The following CDC14A variants were observed in gnomAD, a reference collection of about 807,000 sequenced individuals.
CDC14A encodes the protein cell division cycle 14A.
A neutral mutation model predicts 74.4 loss-of-function variants in CDC14A; 53 were observed. That is an observed-to-expected ratio of 0.71 (90% CI 0.57 to 0.89). The LOEUF (loss-of-function observed/expected upper bound fraction) is 0.89. Among genes scored for constraint, CDC14A ranks in the 40% least tolerant of loss-of-function variants. The pLI is 0.00. For synonymous variants in CDC14A, 247 were observed against 258.4 expected, an observed-to-expected ratio of 0.96 and a Z score of 0.43; for missense variants, 646 against 713.7, an observed-to-expected ratio of 0.91 and a Z score of 1.08.
At chr1:100,351,909 C>A (rs1053807670), upstream of CDC14A, 2 of 1,061,910 alleles carry the variant, frequency 1.9e-6, no homozygotes, top group Non-Finnish European at 2.7e-6. Flanking sequence ...CAGTGTTGGG[C>A]GTGGGGGGTG....
intron 9 of CDC14A, among the ~76,000 whole-genome samples, chr1:100,463,384 A>G (rs1571256139): frequency 6.6e-6 from 1 of 152,154 alleles, no homozygotes; most frequent in East Asian, 1.9e-4. Flanking sequence ...AGCGTCTTCC[A>G]TGCCTGTTGC....
At position 100,494,835 on chromosome 1, in the gene CDC14A, T is replaced by A; in HGVS notation, c.1155T>A (p.Asp385Glu). The A allele has an allele frequency of 6.2e-7, 1 of 1,610,066 alleles. No homozygotes were observed. Among genetic ancestry groups the A allele is most frequent in the East Asian group, 2.2e-5 (1 of 44,844 alleles). ...TTTTCCAGGATAACTTAGAAGATGA[T>A]GATGTGGAAATGAAAAATGGTATAA... ...ERFGEDNLED[D>E]DVEMKNGITQ... Residue 385 changes from aspartate to glutamate, a missense_variant, in exon 12 of 16, where the codon GAT (aspartate) becomes GAA (glutamate). Coordinates refer to ENST00000336454, the MANE Select transcript of CDC14A (RefSeq NM_003672.4).
At chr1:100,453,949 T>C (rs533017204) in intron 7 of CDC14A, among the ~76,000 whole-genome samples, 161 of 152,284 alleles carry the variant, frequency 1.1e-3, no homozygotes, top group Middle Eastern at 3.4e-3. Context: ...GCTGGAGATA[T>C]TATGTTTATT....
intron 15 of CDC14A, among the ~76,000 whole-genome samples, chr1:100,516,150 C>T (rs1400433435): frequency 6.6e-6 from 1 of 152,178 alleles, no homozygotes; most frequent in Non-Finnish European, 1.5e-5. Context: ...TGAATATATT[C>T]TCCATATGAA....
At chr1:100,351,924 A>C (rs564839482), upstream of CDC14A, 97 of 893,662 alleles carry the variant, frequency 1.1e-4, no homozygotes, top group African/African-American at 1.4e-3. Flanking sequence ...GGGGTGGCTG[A>C]AATGTTAGCT....
intron 9 of CDC14A, among the ~76,000 whole-genome samples, chr1:100,464,321 G>C (rs144788281): frequency 6.6e-6 from 1 of 152,108 alleles, no homozygotes; most frequent in East Asian, 1.9e-4. Context: ...TGTCTCTGGC[G>C]TGGAGTCTGT....
chr1:100,451,085 G>C (rs1392615464), intron 7 of CDC14A, among the ~76,000 whole-genome samples: 1 of 152,082 alleles, frequency 6.6e-6, no homozygotes, highest in Non-Finnish European at 1.5e-5. Flanking sequence ...TGATTTGCTG[G>C]GGTTCTTGAG....
chr1:100,482,982 C>T (rs1016093571), intron 10 of CDC14A, among the ~76,000 whole-genome samples: 19 of 152,168 alleles, frequency 1.2e-4, no homozygotes, highest in Admixed American at 1.2e-3. Flanking sequence ...TTTTCTCTAT[C>T]CAATCTATCA....
chr1:100,411,163 C>G (rs542404604), intron 4 of CDC14A, among the ~76,000 whole-genome samples: 1 of 152,328 alleles, frequency 6.6e-6, no homozygotes, highest in Admixed American at 6.5e-5. Flanking sequence ...GCAGAACTGA[C>G]AGGCCCAAGA....
chr1:100,404,203 A>G (rs1456764905), intron 4 of CDC14A, among the ~76,000 whole-genome samples: 1 of 151,092 alleles, frequency 6.6e-6, no homozygotes, highest in Non-Finnish European at 1.5e-5. Context: ...AAAAAAAAAA[A>G]GAGCTAACTG....
chr1:100,412,766 TATTA>T (rs1284218240), intron 4 of CDC14A, among the ~76,000 whole-genome samples: 3 of 103,256 alleles, frequency 2.9e-5, no homozygotes, highest in African/African-American at 1.5e-4. Flanking sequence ...TATATATATA[TATTA>T]TATATATATA....
chr1:100,464,087 T>C (rs1171120602), intron 9 of CDC14A, among the ~76,000 whole-genome samples: 4 of 152,214 alleles, frequency 2.6e-5, no homozygotes, highest in Non-Finnish European at 5.9e-5. Context: ...GGCCCTTGTT[T>C]CTATGTTTAA....
intron 4 of CDC14A, among the ~76,000 whole-genome samples, chr1:100,422,104 G>A (rs1421852087): frequency 6.6e-6 from 1 of 152,084 alleles, no homozygotes; most frequent in African/African-American, 2.4e-5. Flanking sequence ...GTTTCACTTT[G>A]CACTTATTAA....
intron 10 of CDC14A, among the ~76,000 whole-genome samples, chr1:100,472,111 C>T (rs1390715613): frequency 1.3e-5 from 2 of 152,052 alleles, no homozygotes; most frequent in East Asian, 1.9e-4. Context: ...CACTCCTACA[C>T]ATTAACAATA....
At chr1:100,515,804 T>C (rs1164075285) in intron 15 of CDC14A, among the ~76,000 whole-genome samples, 3 of 152,262 alleles carry the variant, frequency 2.0e-5, no homozygotes, top group South Asian at 4.1e-4. Context: ...CATTTCACTT[T>C]CCTTTATACC....
At chr1:100,398,004 G>A (rs1353772352) in intron 4 of CDC14A, among the ~76,000 whole-genome samples, 1 of 152,216 alleles carries the variant, frequency 6.6e-6, no homozygotes, top group Non-Finnish European at 1.5e-5. Context: ...TGTGAGCAAT[G>A]ACTTTAACAT....
chr1:100,365,411 C>T (rs2100909469), intron 2 of CDC14A, among the ~76,000 whole-genome samples: 1 of 152,312 alleles, frequency 6.6e-6, no homozygotes, highest in South Asian at 2.1e-4. Flanking sequence ...TAACTAGAGT[C>T]ATAGACTCTG....
At chr1:100,400,380 G>T (rs928023788) in intron 4 of CDC14A, among the ~76,000 whole-genome samples, 1 of 152,018 alleles carries the variant, frequency 6.6e-6, no homozygotes, top group African/African-American at 2.4e-5. Flanking sequence ...AATAATAAAG[G>T]CATTTACTTT....
At chr1:100,462,255 C>T in intron 8 of CDC14A, 1 of 196,962 alleles carries the variant, frequency 5.1e-6, no homozygotes, top group Non-Finnish European at 1.1e-5. Context: ...AAAGCTTCAG[C>T]TGTAGTTGAA....
Sources: gnomAD v4.1 joint callset for allele counts (sites outside exome capture counted in the v4.1 genomes callset) on GRCh38, gnomAD v4.1.1 for gene constraint, MANE v1.5 for transcripts, NCBI Gene and HGNC (gene_info 2026-07-23, HGNC 2026-07-21) for gene names.